Variants in CHD7 observed in about 807,000 individuals in gnomAD.
CHD7 encodes the protein chromodomain helicase DNA binding protein 7.
Under a neutral mutation model 307.3 loss-of-function variants are expected in CHD7, and 24 were observed. The ratio of observed to expected loss-of-function variants is 0.08; its 90% CI spans 0.06 to 0.11. The LOEUF is 0.11. CHD7 is among the 10% of genes least tolerant of loss of function. CHD7 has a pLI of 1.00. For missense variants in CHD7, 3,106 were observed against 3,727.1 expected (o/e 0.83, Z 4.34); for synonymous variants, 1,363 against 1,349.9 (o/e 1.01, Z -0.21).
chr8:60,697,251 G>T (rs1251241613), intron 1 of CHD7, among the ~76,000 whole-genome samples: 1 of 152,154 alleles, frequency 6.6e-6, no homozygotes, highest in Non-Finnish European at 1.5e-5. Context: ...TTTCACCTTG[G>T]AATTGTATCT....
Position 60,707,131 on chromosome 8 carries a change from T to G in CHD7, c.-175+28049T>G, listed in dbSNP as rs563755215. 3.3e-5 allele frequency among the ~76,000 whole-genome samples: 5 copies of G among 152,364 alleles called. No individual in the cohort carries two copies. The East Asian group carries it at 9.6e-4, about 29-fold the overall frequency. Reference sequence around the variant, plus strand: ...ACATAAAATGACACTATTAAGATTCTGTGTAGAAGCTCTGAATATGATATA... The same window carrying G: ...ACATAAAATGACACTATTAAGATTCGGTGTAGAAGCTCTGAATATGATATA... On this transcript the variant is annotated intron_variant, in intron 1 of 37. Coordinates refer to ENST00000423902, the MANE Select transcript of CHD7 (RefSeq NM_017780.4).
intron 21 of CHD7, among the ~76,000 whole-genome samples, chr8:60,844,573 G>A (rs1449859865): frequency 2.6e-5 from 4 of 152,188 alleles, no homozygotes; most frequent in African/African-American, 9.6e-5. Flanking sequence ...ATGCACTCAT[G>A]TCCTGAAAAT....
chr8:60,745,756 T>C (rs1268869682), intron 2 of CHD7, among the ~76,000 whole-genome samples: 2 of 152,202 alleles, frequency 1.3e-5, no homozygotes, highest in African/African-American at 2.4e-5. Flanking sequence ...TAGAAAGATA[T>C]GTGGACCCCA....
At chr8:60,714,041 G>T (rs1807419096) in intron 1 of CHD7, among the ~76,000 whole-genome samples, 1 of 151,622 alleles carries the variant, frequency 6.6e-6, no homozygotes, top group African/African-American at 2.4e-5. Flanking sequence ...CCCAGATTCA[G>T]ACTCCCAGGG....
chr8:60,843,563 G>A (rs1297921829), intron 21 of CHD7, among the ~76,000 whole-genome samples: 1 of 152,244 alleles, frequency 6.6e-6, no homozygotes, highest in African/African-American at 2.4e-5. Context: ...GAGCAAGACA[G>A]TCATGGCTCA....
chr8:60,837,148 C>T (rs1471213629), intron 17 of CHD7, 136 bp downstream of exon 17: 2 of 661,838 alleles, frequency 3.0e-6, no homozygotes, highest in African/African-American at 3.7e-5. Flanking sequence ...AGCAAATAAC[C>T]AACTAGTAAT....
rs184726676 is a variant in CHD7, at chr8:60,725,238, A to T, written c.-174-16021A>T. Among the ~76,000 whole-genome samples, 22 of 152,274 alleles carry T rather than the reference A, an allele frequency of 1.4e-4. No individual in the cohort carries two copies. The East Asian group carries it at 4.2e-3, about 29-fold the overall frequency. On this transcript the variant is annotated intron_variant, in intron 1 of 37. Coordinates refer to ENST00000423902, the MANE Select transcript of CHD7 (RefSeq NM_017780.4). Reference sequence around the variant, plus strand: ...TGATGGCAGGTTGTTAGGGATGGAGATGTCTTAAAGGAATGTTCGGTTATC... The same window carrying T: ...TGATGGCAGGTTGTTAGGGATGGAGTTGTCTTAAAGGAATGTTCGGTTATC...
At chr8:60,780,928 C>A in intron 2 of CHD7, 72 bp from the exon 3 acceptor site, 1 of 1,408,290 alleles carries the variant, frequency 7.1e-7, no homozygotes, top group Non-Finnish European at 9.3e-7. Flanking sequence ...AAACATCAGC[C>A]ACTAACTTTC....
chr8:60,779,663 T>A (rs1478799351), intron 2 of CHD7, among the ~76,000 whole-genome samples: 1 of 152,226 alleles, frequency 6.6e-6, no homozygotes, highest in African/African-American at 2.4e-5. Flanking sequence ...CTAACCTTCC[T>A]CCTTTTCTCG....
chr8:60,830,736 T>C (rs977331027), intron 15 of CHD7, among the ~76,000 whole-genome samples, 159 bp downstream of exon 15: 3 of 152,190 alleles, frequency 2.0e-5, no homozygotes, highest in Non-Finnish European at 4.4e-5. Context: ...GATGCCTCCT[T>C]CTGTGGTTGC....
intron 35 of CHD7, chr8:60,861,425 T>G (rs1805968702): frequency 3.4e-6 from 1 of 294,704 alleles, no homozygotes; most frequent in Non-Finnish European, 6.3e-6. Context: ...TGGCATCGTT[T>G]CCAGGCAGTC....
At chr8:60,792,225 T>A (rs1563604370) in intron 3 of CHD7, among the ~76,000 whole-genome samples, 1 of 152,244 alleles carries the variant, frequency 6.6e-6, no homozygotes, top group Non-Finnish European at 1.5e-5. Context: ...CCTTTGTTTG[T>A]TAAAAGAAAA....
rs1349434680 is a variant in CHD7, at chr8:60,856,740, C to T, written c.7460C>T (p.Ala2487Val). The change falls in exon 34 of 38, where the codon GCA becomes GTA. Residue 2487 changes from alanine (A) to valine (V), a missense_variant. By Grantham distance (64) the Ala-to-Val change is moderately conservative. Around this residue, in one of 10 missense-constraint regions of CHD7, gnomAD observed 1,030 missense variants for 1,165.4 expected, o/e 0.88. Coordinates refer to ENST00000423902, the MANE Select transcript of CHD7 (RefSeq NM_017780.4). ...AFKTQMELLQ[A>V]GLSRTPTRHL... Reference sequence around the variant, plus strand: ...AAGACTCAAATGGAACTGCTCCAAGCAGGCCTTTCGCGCACACCCACAAGG... The same window carrying T: ...AAGACTCAAATGGAACTGCTCCAAGTAGGCCTTTCGCGCACACCCACAAGG... 1.2e-6 allele frequency: 2 copies of T among 1,614,054 alleles called. No individual in the cohort carries two copies. Among genetic ancestry groups the T allele is most frequent in the Middle Eastern group, 1.6e-4 (1 of 6,062 alleles).
intron 2 of CHD7, among the ~76,000 whole-genome samples, chr8:60,778,961 T>G (rs1563592604): frequency 6.6e-6 from 1 of 152,208 alleles, no homozygotes; most frequent in Non-Finnish European, 1.5e-5. Flanking sequence ...GTTAGTTGTG[T>G]TATCCCTGCA....
chr8:60,725,967 T>C (rs1481296619), intron 1 of CHD7, among the ~76,000 whole-genome samples: 1 of 152,166 alleles, frequency 6.6e-6, no homozygotes, highest in Non-Finnish European at 1.5e-5. Context: ...CAAGCAAATG[T>C]GTTCTGAGAA....
At chr8:60,859,454 G>T (rs908972840) in intron 34 of CHD7, among the ~76,000 whole-genome samples, 6 of 152,228 alleles carry the variant, frequency 3.9e-5, no homozygotes, top group African/African-American at 1.4e-4. Context: ...TTGCACTGGA[G>T]AATGCAGTGT....
intron 2 of CHD7, among the ~76,000 whole-genome samples, chr8:60,751,250 C>T (rs1809627020): frequency 1.3e-5 from 2 of 152,200 alleles, no homozygotes; most frequent in Non-Finnish European, 2.9e-5. Context: ...GAAATTGACT[C>T]TCCAGGATAA....
intron 35 of CHD7, chr8:60,861,345 C>T (rs565999822): frequency 9.6e-5 from 47 of 487,596 alleles, no homozygotes; most frequent in Admixed American, 9.3e-4. Context: ...TTTGAAGATG[C>T]GCGTTATGCA....
In CHD7 at chr8:60,851,209, A is replaced by G. The variant is rs575396561; in HGVS notation, c.5608-53A>G. 5.5e-4 allele frequency: 841 copies of G among 1,522,336 alleles called. 22 individuals carry two copies. The South Asian group carries it at 9.0e-3, about 16-fold the overall frequency. 94.3% of individuals were successfully genotyped at this position (1,522,336 alleles called of 1,614,324 possible). On this transcript the variant is annotated intron_variant, in intron 27 of 37. Coordinates refer to ENST00000423902, the MANE Select transcript of CHD7 (RefSeq NM_017780.4). ...TAATGACCTTTTCTTTAAAAGACAA[A>G]GAAAAATGAGACCCCAAATTAAAGT...
Sources: allele counts gnomAD v4.1 joint callset (sites outside exome capture counted in the v4.1 genomes callset), GRCh38; gene constraint gnomAD v4.1.1; regional missense constraint gnomAD v4.1.1; transcripts MANE v1.5; gene names NCBI Gene and HGNC (gene_info 2026-07-23, HGNC 2026-07-21).